LINGO2: variants seen among roughly 807,000 people sequenced by gnomAD.
LINGO2 encodes the protein leucine rich repeat and Ig domain containing 2.
In LINGO2, 14 loss-of-function variants were observed where a neutral mutation model predicts 30.6. The ratio of observed to expected loss-of-function variants is 0.46; its 90% CI spans 0.30 to 0.72. The LOEUF is 0.72. LINGO2 is among the 30% of genes least tolerant of loss of function. The pLI is 0.07. For synonymous variants in LINGO2, 317 were observed against 288.5 expected, an observed-to-expected ratio of 1.10 and a Z score of -1.00; for missense variants, 729 against 751.7, an observed-to-expected ratio of 0.97 and a Z score of 0.35.
chr9:28,987,607 C>G, the LINGO2 span, among the ~76,000 whole-genome samples: 6 of 151,878 alleles, frequency 4.0e-5, no homozygotes, highest in African/African-American at 1.2e-4. Context: ...TCTTCTTTTT[C>G]TAGTTCCTTG....
the LINGO2 span, among the ~76,000 whole-genome samples, chr9:28,992,215 C>T: frequency 6.6e-6 from 1 of 151,682 alleles, no homozygotes; most frequent in Non-Finnish European, 1.5e-5. Flanking sequence ...GGGTTGCAAT[C>T]CTAGTCTCTG....
chr9:29,081,662 T>A, the LINGO2 span, among the ~76,000 whole-genome samples: 1 of 152,206 alleles, frequency 6.6e-6, no homozygotes, highest in South Asian at 2.1e-4. Context: ...GCAGATTACA[T>A]GATTCTATAT....
At chr9:28,583,233 A>G (rs973017472) in intron 1 of LINGO2, among the ~76,000 whole-genome samples, 5 of 152,018 alleles carry the variant, frequency 3.3e-5, no homozygotes, top group East Asian at 1.9e-4. Flanking sequence ...GCTGTCCACT[A>G]TTTATATCAT....
chr9:29,121,286 C>G, the LINGO2 span, among the ~76,000 whole-genome samples: 1 of 152,100 alleles, frequency 6.6e-6, no homozygotes, highest in Non-Finnish European at 1.5e-5. Context: ...AGTTTGTATA[C>G]TGTCAAAATT....
At chr9:28,833,440 G>T in the LINGO2 span, among the ~76,000 whole-genome samples, 4 of 152,154 alleles carry the variant, frequency 2.6e-5, no homozygotes, top group Admixed American at 2.6e-4. Flanking sequence ...AGGCTAAGTT[G>T]TTAACCTTGC....
the LINGO2 span, among the ~76,000 whole-genome samples, chr9:29,140,380 G>A: frequency 4.0e-5 from 6 of 151,606 alleles, no homozygotes; most frequent in Admixed American, 1.3e-4. Flanking sequence ...TGGAGCTGAA[G>A]AATAAAATAC....
intron 5 of LINGO2, among the ~76,000 whole-genome samples, chr9:27,989,850 C>T (rs1821307653): frequency 6.6e-6 from 1 of 151,974 alleles, no homozygotes; most frequent in African/African-American, 2.4e-5. Context: ...GGGATTTAAA[C>T]TCAGGTTTTA....
At chr9:28,475,748 G>A (rs1825705668) in intron 2 of LINGO2, among the ~76,000 whole-genome samples, 192 bp downstream of exon 4, 1 of 152,128 alleles carries the variant, frequency 6.6e-6, no homozygotes, top group African/African-American at 2.4e-5. Context: ...TTAAATCCAT[G>A]TCTGTCTATA....
chr9:28,092,477 A>G (rs1826122853), intron 4 of LINGO2, among the ~76,000 whole-genome samples: 2 of 146,546 alleles, frequency 1.4e-5, no homozygotes, highest in South Asian at 4.6e-4. Flanking sequence ...GTTCTCACTC[A>G]TAGGTGGGAA....
chr9:28,546,902 G>T (rs1225905141), intron 1 of LINGO2, among the ~76,000 whole-genome samples: 3 of 152,066 alleles, frequency 2.0e-5, no homozygotes, highest in African/African-American at 7.2e-5. Context: ...ACAAATCTCT[G>T]TGACCGAACT....
At chr9:28,377,264 C>T (rs1564160699) in intron 2 of LINGO2, among the ~76,000 whole-genome samples, 2 of 152,094 alleles carry the variant, frequency 1.3e-5, no homozygotes, top group South Asian at 2.1e-4. Flanking sequence ...CTTCCTCTGC[C>T]TTCTCAGTCT....
intron 4 of LINGO2, among the ~76,000 whole-genome samples, chr9:28,215,002 G>A (rs1484232638): frequency 6.6e-6 from 1 of 151,526 alleles, no homozygotes; most frequent in Non-Finnish European, 1.5e-5. Context: ...AGGACATGGG[G>A]AATTTTAAAA....
At chr9:29,207,217 CA>C in the LINGO2 span, among the ~76,000 whole-genome samples, 1 of 151,762 alleles carries the variant, frequency 6.6e-6, no homozygotes, top group Non-Finnish European at 1.5e-5. Flanking sequence ...AAGGTCAAGT[CA>C]AAAATTGTTA....
intron 1 of LINGO2, among the ~76,000 whole-genome samples, chr9:28,623,316 T>C (rs897739745): frequency 6.6e-6 from 1 of 152,148 alleles, no homozygotes; most frequent in Non-Finnish European, 1.5e-5. Context: ...AATACTTTCA[T>C]GATTTGAGAA....
chr9:29,048,461 G>GAA, the LINGO2 span, among the ~76,000 whole-genome samples: 3 of 151,154 alleles, frequency 2.0e-5, no homozygotes, highest in Admixed American at 6.6e-5. Flanking sequence ...CACAGAAATA[G>GAA]AAAAAAAAAT....
Position 28,526,729 on chromosome 9 carries a change from C to T in LINGO2, c.-364-50704G>A, listed in dbSNP as rs117286104. Among the ~76,000 whole-genome samples the T allele has an allele frequency of 7.0e-3, 1,067 of 152,292 alleles. 7 individuals carry two copies. The highest frequency in any genetic ancestry group is 0.011 in the Non-Finnish European group (778 of 68,022). On this transcript the variant is annotated intron_variant, in intron 1 of 5. Transcript: ENST00000379992. ...ATAGATATCCCTGGAAGCTCAAGTA[C>T]CTTAATTTGCTAAATGCCACATTAC...
At chr9:28,620,384 A>G (rs1205165384) in intron 1 of LINGO2, among the ~76,000 whole-genome samples, 10 of 152,128 alleles carry the variant, frequency 6.6e-5, no homozygotes, top group Admixed American at 1.3e-4. Flanking sequence ...ATGTGATTTC[A>G]TTATCCTCTT....
chr9:28,006,716 T>A (rs1438818826), intron 5 of LINGO2, among the ~76,000 whole-genome samples: 1 of 152,178 alleles, frequency 6.6e-6, no homozygotes, highest in East Asian at 1.9e-4. Context: ...GGAACACTTC[T>A]CACTACATGT....
intron 3 of LINGO2, among the ~76,000 whole-genome samples, chr9:28,339,752 G>A (rs544082281): frequency 1.3e-5 from 2 of 152,214 alleles, no homozygotes; most frequent in South Asian, 2.1e-4. Flanking sequence ...ATTATTTACT[G>A]TTTCCAGGCA....
Sources: gnomAD v4.1 joint callset for allele counts (sites outside exome capture counted in the v4.1 genomes callset) on GRCh38, gnomAD v4.1.1 for gene constraint, MANE v1.5 for transcripts, NCBI Gene and HGNC (gene_info 2026-07-23, HGNC 2026-07-21) for gene names.